Variants in CNTNAP2 observed in about 807,000 individuals in gnomAD.
The protein encoded by CNTNAP2 is contactin associated protein 2, also known as contactin-associated protein-like 2.
CNTNAP2 carries 98 observed loss-of-function variants against 155.2 expected under a neutral mutation model. That is an observed-to-expected ratio of 0.63 (90% CI 0.54 to 0.75). CNTNAP2 has a LOEUF of 0.75. CNTNAP2 is among the 30% of genes least tolerant of loss of function. CNTNAP2 has a pLI of 0.00. For missense variants in CNTNAP2, 1,727 were observed against 1,688.1 expected, an observed-to-expected ratio of 1.02 and a Z score of -0.40; for synonymous variants, 651 against 631.2, an observed-to-expected ratio of 1.03 and a Z score of -0.47.
intron 13 of CNTNAP2, among the ~76,000 whole-genome samples, chr7:147,884,608 G>A (rs954132443): frequency 6.6e-6 from 1 of 151,992 alleles, no homozygotes; most frequent in East Asian, 1.9e-4. Flanking sequence ...ATACATACAA[G>A]GAAAAATGTA....
At chr7:147,551,219 T>G (rs1799846273) in intron 11 of CNTNAP2, among the ~76,000 whole-genome samples, 1 of 152,218 alleles carries the variant, frequency 6.6e-6, no homozygotes, top group South Asian at 2.1e-4. Context: ...TAAATTGTTT[T>G]TCTTCTCATG....
At chr7:147,749,404 TTAAAA>T in intron 13 of CNTNAP2, among the ~76,000 whole-genome samples, 1 of 152,332 alleles carries the variant, frequency 6.6e-6, no homozygotes, top group African/African-American at 2.4e-5. Context: ...ATAGGTAATA[TTAAAA>T]TAAATATTTT....
At chr7:147,298,894 A>T (rs967845419) in intron 8 of CNTNAP2, among the ~76,000 whole-genome samples, 1 of 152,250 alleles carries the variant, frequency 6.6e-6, no homozygotes, top group African/African-American at 2.4e-5. Context: ...ATAGAAAAGC[A>T]GGTGGCAGCA....
At chr7:146,424,397 C>G (rs1480472163) in intron 1 of CNTNAP2, among the ~76,000 whole-genome samples, 1 of 152,154 alleles carries the variant, frequency 6.6e-6, no homozygotes, top group African/African-American at 2.4e-5. Context: ...GCTTCTTCTA[C>G]TGGAGTCAGA....
chr7:146,948,035 G>A (rs979564763), intron 3 of CNTNAP2, among the ~76,000 whole-genome samples: 2 of 151,838 alleles, frequency 1.3e-5, no homozygotes, highest in African/African-American at 2.4e-5. Context: ...TGTTACCTTT[G>A]TTGATGTTAG....
chr7:148,355,887 G>A (rs1429551313), intron 21 of CNTNAP2, among the ~76,000 whole-genome samples: 1 of 152,136 alleles, frequency 6.6e-6, no homozygotes, highest in Non-Finnish European at 1.5e-5. Flanking sequence ...TTGTAGCTCT[G>A]GGAACCTAGG....
chr7:147,471,376 A>C (rs1306326308), intron 10 of CNTNAP2, among the ~76,000 whole-genome samples: 1 of 152,250 alleles, frequency 6.6e-6, no homozygotes, highest in Non-Finnish European at 1.5e-5. Flanking sequence ...GAAAGTGAGA[A>C]TCTTAAATGA....
At chr7:147,341,473 G>C (rs975726335) in intron 9 of CNTNAP2, among the ~76,000 whole-genome samples, 8 of 152,042 alleles carry the variant, frequency 5.3e-5, no homozygotes, top group African/African-American at 1.7e-4. Context: ...GGGAAAAACT[G>C]TATGTAGAGT....
chr7:147,943,440 G>A (rs1479554340), intron 14 of CNTNAP2, among the ~76,000 whole-genome samples: 1 of 151,780 alleles, frequency 6.6e-6, no homozygotes, highest in Admixed American at 6.6e-5. Flanking sequence ...TCTATTTAAA[G>A]CATATTAATC....
At chr7:148,123,255 A>AGATGTACTT (rs1804638172) in intron 16 of CNTNAP2, among the ~76,000 whole-genome samples, 10 of 151,884 alleles carry the variant, frequency 6.6e-5, no homozygotes, top group Non-Finnish European at 1.2e-4. Context: ...AGAGAGAGGA[A>AGATGTACTT]GCAAGATGTA....
chr7:147,471,449 G>T (rs143108462), intron 10 of CNTNAP2, among the ~76,000 whole-genome samples: 41 of 152,302 alleles, frequency 2.7e-4, no homozygotes, highest in African/African-American at 9.9e-4. Flanking sequence ...TCTGAAATAA[G>T]AACTTGATGT....
At chr7:148,385,082 G>A (rs1244096983) in intron 22 of CNTNAP2, among the ~76,000 whole-genome samples, 8 of 152,018 alleles carry the variant, frequency 5.3e-5, no homozygotes, top group South Asian at 2.1e-4. Flanking sequence ...ATCATGTTCC[G>A]GCCCTGCACA....
At position 148,388,965 on chromosome 7, in the gene CNTNAP2, G is replaced by A. The variant is rs559455751; in HGVS notation, c.3715+5077G>A. ...CTACTGGGGGGTGCCTCCCAGTTAG[G>A]CTGCTCAGGGGTCAGGGGTCAGAGA... On this transcript the variant is annotated intron_variant, in intron 22 of 23. Coordinates refer to ENST00000361727, the MANE Select transcript of CNTNAP2 (RefSeq NM_014141.6). 1.8e-3 allele frequency among the ~76,000 whole-genome samples: 275 copies of A among 152,268 alleles called. 1 individual carries two copies. The highest frequency in any genetic ancestry group is 6.2e-3 in the African/African-American group (257 of 41,552).
At chr7:146,915,503 A>T (rs1429255054) in intron 3 of CNTNAP2, among the ~76,000 whole-genome samples, 2 of 152,062 alleles carry the variant, frequency 1.3e-5, no homozygotes, top group African/African-American at 2.4e-5. Flanking sequence ...AGTGTTTTGT[A>T]ATTTTCCTTG....
intron 1 of CNTNAP2, among the ~76,000 whole-genome samples, chr7:146,565,404 TTAAA>T (rs1798342605): frequency 6.6e-6 from 1 of 152,156 alleles, no homozygotes; most frequent in Non-Finnish European, 1.5e-5. Context: ...TTTGTTAATG[TTAAA>T]TAACAGATCC....
chr7:146,451,542 A>G (rs1383187838), intron 1 of CNTNAP2, among the ~76,000 whole-genome samples: 1 of 152,056 alleles, frequency 6.6e-6, no homozygotes, highest in African/African-American at 2.4e-5. Flanking sequence ...GCTGCACATT[A>G]GGTATAGTGC....
chr7:147,378,354 A>G lies in CNTNAP2; in HGVS notation c.1499-17255A>G, dbSNP rs564184569. ...GGCTACATAAGAATGTCTAATAATT[A>G]TATCAGGGTAAATGGGGTATCCATC... is the stretch of plus-strand genomic sequence containing the variant. On this transcript the variant is annotated intron_variant, in intron 9 of 23. Transcript: ENST00000361727. 2.0e-5 allele frequency among the ~76,000 whole-genome samples: 3 copies of G among 152,140 alleles called. No individual in the cohort carries two copies. In the East Asian group the frequency reaches 5.8e-4, roughly 29 times the overall value.
chr7:147,292,028 G>C (rs1170184058), intron 8 of CNTNAP2, among the ~76,000 whole-genome samples: 1 of 151,942 alleles, frequency 6.6e-6, no homozygotes, highest in Admixed American at 6.6e-5. Flanking sequence ...ATTTTTCCTA[G>C]TCTCTTTCTT....
intron 12 of CNTNAP2, among the ~76,000 whole-genome samples, chr7:147,613,163 T>C (rs1177635691): frequency 3.9e-5 from 6 of 152,196 alleles, no homozygotes. Context: ...TACAGCCACA[T>C]TTTTAAGTAT....
Sources: allele counts gnomAD v4.1 joint callset (sites outside exome capture counted in the v4.1 genomes callset), GRCh38; gene constraint gnomAD v4.1.1; transcripts MANE v1.5; gene names NCBI Gene and HGNC (gene_info 2026-07-23, HGNC 2026-07-21).